Variants in GRIN2B observed in about 807,000 individuals in gnomAD.
The protein encoded by GRIN2B is glutamate ionotropic receptor NMDA type subunit 2B, also known as glutamate receptor ionotropic, NMDA 2B.
Under a neutral mutation model 114.5 loss-of-function variants are expected in GRIN2B, and 5 were observed. The ratio of observed to expected loss-of-function variants is 0.04; its 90% CI spans 0.02 to 0.09. The LOEUF is 0.09. GRIN2B is among the 10% of genes least tolerant of loss of function. GRIN2B has a pLI of 1.00. For missense variants in GRIN2B, 1,108 were observed against 1,943.5 expected, an observed-to-expected ratio of 0.57 and a Z score of 8.08; for synonymous variants, 787 against 745.1, an observed-to-expected ratio of 1.06 and a Z score of -0.92.
chr12:13,564,452 G>A lies in GRIN2B; in HGVS notation c.2786C>T (p.Ser929Leu), dbSNP rs1374533938. The change falls in exon 14 of 14, where the codon TCA becomes TTA. Residue 929 changes from serine (S) to leucine (L), a missense_variant. Ser to Leu is a moderately radical substitution (Grantham distance 145, BLOSUM62 -2). Around this residue, in one of 19 missense-constraint regions of GRIN2B, gnomAD observed 140 missense variants for 187.5 expected, o/e 0.75. Transcript: ENST00000609686. This position sits in a 1 kb window ranked among gnomAD's most constrained non-coding sequence, Gnocchi z 4.8. ...QSALDFIRRE[S>L]SVYDISEHRR... The stretch of plus-strand genomic sequence containing the variant: ...GTGCTCTGAGATGTCATAGACGGAT[G>A]ACTCCCGTCGGATGAAGTCCAGGGC... The A allele has an allele frequency of 1.2e-6, 2 of 1,614,130 alleles. No individual in the cohort carries two copies. Among genetic ancestry groups the A allele is most frequent in the Non-Finnish European group, 8.5e-7 (1 of 1,180,046 alleles).
intron 5 of GRIN2B, among the ~76,000 whole-genome samples, chr12:13,622,665 G>C (rs1322885981): frequency 6.6e-6 from 1 of 151,960 alleles, no homozygotes. Flanking sequence ...CAATATAAAG[G>C]TGCTGGCATC....
At chr12:13,969,221 A>G (rs1468922293) in intron 2 of GRIN2B, among the ~76,000 whole-genome samples, 1 of 152,232 alleles carries the variant, frequency 6.6e-6, no homozygotes, top group African/African-American at 2.4e-5. Context: ...ACCAACAGCA[A>G]AGCCCCAAGA....
At chr12:13,948,779 C>T (rs756312344) in intron 2 of GRIN2B, among the ~76,000 whole-genome samples, 11 of 152,162 alleles carry the variant, frequency 7.2e-5, no homozygotes, top group East Asian at 1.9e-4. Flanking sequence ...TGTGGTGCTG[C>T]GACACCCGGA....
intron 13 of GRIN2B, among the ~76,000 whole-genome samples, chr12:13,565,648 T>C (rs1334375887): frequency 6.6e-6 from 1 of 152,164 alleles, no homozygotes; most frequent in Non-Finnish European, 1.5e-5. Context: ...CTTTTCTCCC[T>C]GGCTAGGGAA....
At chr12:13,898,747 A>T (rs758622483) in intron 2 of GRIN2B, among the ~76,000 whole-genome samples, 14 of 152,184 alleles carry the variant, frequency 9.2e-5, no homozygotes, top group Non-Finnish European at 1.9e-4. Context: ...CCCCATCTCT[A>T]CTAAAAATAC....
chr12:13,817,078 T>G (rs1382629451), intron 3 of GRIN2B, among the ~76,000 whole-genome samples: 1 of 151,968 alleles, frequency 6.6e-6, no homozygotes, highest in Non-Finnish European at 1.5e-5. Context: ...ATTGAGGGTT[T>G]GGTGCAGGAT....
At chr12:13,690,118 A>G (rs1395534630) in intron 4 of GRIN2B, among the ~76,000 whole-genome samples, 1 of 152,146 alleles carries the variant, frequency 6.6e-6, no homozygotes, top group Non-Finnish European at 1.5e-5. Flanking sequence ...TAAAAATCAA[A>G]TCTCGTCCTT....
At chr12:13,932,395 T>C (rs1241296832) in intron 2 of GRIN2B, among the ~76,000 whole-genome samples, 1 of 152,228 alleles carries the variant, frequency 6.6e-6, no homozygotes, top group Admixed American at 6.5e-5. Flanking sequence ...ATGATTAATA[T>C]TTATGTCCTC....
intron 10 of GRIN2B, among the ~76,000 whole-genome samples, chr12:13,573,880 G>T (rs1948739017): frequency 6.6e-6 from 1 of 152,182 alleles, no homozygotes; most frequent in South Asian, 2.1e-4. Flanking sequence ...TCATGCCGTG[G>T]TGTTAGGCAA....
Position 13,807,483 on chromosome 12 carries a change from C to T in GRIN2B, c.412-53568G>A, listed in dbSNP as rs181027972. ...TCTGACCACATTCACCTTGCCTCCC[C>T]TCTTCTAGTACCAGTAAGTAAGCTT... On this transcript the variant is annotated intron_variant, in intron 3 of 13. Coordinates refer to ENST00000609686, the MANE Select transcript of GRIN2B (RefSeq NM_000834.5). Among the ~76,000 whole-genome samples the T allele has an allele frequency of 8.3e-4, 126 of 152,182 alleles. 1 individual carries two copies. The highest frequency in any genetic ancestry group is 2.9e-3 in the African/African-American group (121 of 41,528).
At chr12:13,588,881 A>G (rs1459159399) in intron 10 of GRIN2B, among the ~76,000 whole-genome samples, 1 of 152,190 alleles carries the variant, frequency 6.6e-6, no homozygotes, top group Non-Finnish European at 1.5e-5. Context: ...TCTTCTTGTA[A>G]AAGATTAAGA....
chr12:13,785,188 C>T (rs1864202176), intron 3 of GRIN2B, among the ~76,000 whole-genome samples: 1 of 152,220 alleles, frequency 6.6e-6, no homozygotes, highest in African/African-American at 2.4e-5. Flanking sequence ...CTTGCTACTA[C>T]TTAATAAATT....
intron 2 of GRIN2B, among the ~76,000 whole-genome samples, chr12:13,875,080 C>T (rs547559528): frequency 6.6e-6 from 1 of 152,272 alleles, no homozygotes; most frequent in Admixed American, 6.5e-5. Flanking sequence ...CCACTCCCTC[C>T]CCACCCCACA....
rs535063390 is a variant in GRIN2B at position 13,610,204 on chromosome 12, C to T, written c.1781-1372G>A. On this transcript the variant is annotated intron_variant, in intron 9 of 13. Transcript: ENST00000609686. ...TCATGCAACAGATGTGTAACTAAAA[C>T]GTTGTTTATAAATCAAAGCTTTATA... 6.6e-5 allele frequency among the ~76,000 whole-genome samples: 10 copies of T among 152,254 alleles called. No homozygotes were observed. In the South Asian group the frequency reaches 1.2e-3, roughly 19 times the overall value.
At chr12:13,862,147 G>C (rs537919279) in intron 3 of GRIN2B, among the ~76,000 whole-genome samples, 1 of 152,056 alleles carries the variant, frequency 6.6e-6, no homozygotes, top group Admixed American at 6.6e-5. Flanking sequence ...ATAATATAAA[G>C]CTCATTTCCT....
chr12:13,866,246 G>C lies in GRIN2B; in HGVS notation c.-18-20C>G. 6.3e-7 allele frequency: 1 copy of C among 1,596,714 alleles called. No homozygotes were observed. Among genetic ancestry groups the C allele is most frequent in the Non-Finnish European group, 8.5e-7 (1 of 1,176,468 alleles). ...GACTCCCTGCAAACACAAAGAAAGA[G>C]CATGTTAAAATAGGATCTACATCAC... On this transcript the variant is annotated intron_variant, in intron 2 of 13. Transcript: ENST00000609686.
At chr12:13,590,882 G>A (rs889150889) in intron 10 of GRIN2B, among the ~76,000 whole-genome samples, 17 of 152,158 alleles carry the variant, frequency 1.1e-4, no homozygotes, top group African/African-American at 3.6e-4. Flanking sequence ...CACTCTTGAA[G>A]TCATTGTTTT....
chr12:13,945,554 T>C (rs1343400250), intron 2 of GRIN2B, among the ~76,000 whole-genome samples: 2 of 152,190 alleles, frequency 1.3e-5, no homozygotes, highest in Non-Finnish European at 2.9e-5. Context: ...AGATTTTCTA[T>C]AGACCACTTC....
At chr12:13,933,936 A>C (rs1231444233) in intron 2 of GRIN2B, among the ~76,000 whole-genome samples, 1 of 152,212 alleles carries the variant, frequency 6.6e-6, no homozygotes, top group Non-Finnish European at 1.5e-5. Flanking sequence ...CTTACCCTTC[A>C]ATATCTTCTG....
Sources: allele counts gnomAD v4.1 joint callset (sites outside exome capture counted in the v4.1 genomes callset), GRCh38; gene constraint gnomAD v4.1.1; regional missense constraint gnomAD v4.1.1; non-coding constraint Gnocchi (gnomAD v3.1); transcripts MANE v1.5; gene names NCBI Gene and HGNC (gene_info 2026-07-23, HGNC 2026-07-21).